The following ELK3 variants were observed in gnomAD, a reference collection of about 807,000 sequenced individuals.
The protein encoded by ELK3 is ETS domain-containing protein Elk-3.
In ELK3, 10 loss-of-function variants were observed where a neutral mutation model predicts 28.9. The ratio of observed to expected loss-of-function variants is 0.35; its 90% CI spans 0.21 to 0.59. The LOEUF is 0.59. Among genes scored for constraint, ELK3 ranks in the 20% least tolerant of loss-of-function variants. ELK3 has a pLI of 0.82. For missense variants in ELK3, 463 were observed against 517.3 expected (o/e 0.90, Z 1.02); for synonymous variants, 272 against 243.5 (o/e 1.12, Z -1.09).
At chr12:96,197,155 G>A (rs1339559203) in intron 1 of ELK3, among the ~76,000 whole-genome samples, 3 of 152,112 alleles carry the variant, frequency 2.0e-5, no homozygotes, top group African/African-American at 7.2e-5. Flanking sequence ...AATAAAAAAG[G>A]GAGTATTTAG....
At chr12:96,200,599 G>A (rs1485193671) in intron 1 of ELK3, among the ~76,000 whole-genome samples, 1 of 152,004 alleles carries the variant, frequency 6.6e-6, no homozygotes, top group Non-Finnish European at 1.5e-5. Flanking sequence ...CAGGGCTCAG[G>A]TGATCCTCCT....
chr12:96,242,042 G>T (rs796864565), intron 2 of ELK3, among the ~76,000 whole-genome samples: 76 of 152,346 alleles, frequency 5.0e-4, no homozygotes, highest in African/African-American at 1.8e-3. Context: ...CGCTGGAGAT[G>T]CACTCAGCTC....
rs776745602 is a variant in ELK3, at chr12:96,223,708, C to T, written c.142C>T (p.Arg48Ter). 5 of 1,613,776 alleles carry T rather than the reference C, an allele frequency of 3.1e-6. No homozygotes were observed. The highest frequency in any genetic ancestry group is 2.2e-5 in the South Asian group (2 of 91,068). The change falls in exon 2 of 5, where the codon CGA becomes TGA. Residue 48 changes from arginine (R) to a stop codon, truncating the protein, a stop_gained. Transcript: ENST00000228741. LOFTEE classifies it high-confidence loss of function. ...AEEVAKLWGL[R>*]KNKTNMNYDK... ...AGAAGTGGCCAAGCTGTGGGGACTC[C>T]GAAAAAACAAAACAAATATGAACTA... is the stretch of plus-strand genomic sequence containing the variant.
rs138691811 is a variant in ELK3, at chr12:96,230,448, C to T, written c.207+6675C>T. On this transcript the variant is annotated intron_variant, in intron 2 of 4. Coordinates refer to ENST00000228741, the MANE Select transcript of ELK3 (RefSeq NM_005230.4). ...TGGTTTCCCTCTATAAGTGATGGTTCGATTCAGCAAATCCTAAAAGGAAAC... is the reference window on the plus strand; with the variant it reads ...TGGTTTCCCTCTATAAGTGATGGTTTGATTCAGCAAATCCTAAAAGGAAAC... 2.2e-4 allele frequency among the ~76,000 whole-genome samples: 34 copies of T among 152,174 alleles called. No individual in the cohort carries two copies. In the East Asian group the frequency reaches 3.5e-3, roughly 16 times the overall value.
chr12:96,233,223 C>T (rs1565784998), intron 2 of ELK3, among the ~76,000 whole-genome samples: 1 of 152,282 alleles, frequency 6.6e-6, no homozygotes, highest in South Asian at 2.1e-4. Context: ...CTTTTGCTCA[C>T]GAGAAGCTGA....
intron 2 of ELK3, among the ~76,000 whole-genome samples, chr12:96,245,126 CTGTA>C (rs1453802308): frequency 6.6e-6 from 1 of 152,106 alleles, no homozygotes; most frequent in African/African-American, 2.4e-5. Flanking sequence ...CTCCATGACT[CTGTA>C]TGAGATCTCC....
At chr12:96,208,416 A>T (rs1188516412) in intron 1 of ELK3, among the ~76,000 whole-genome samples, 11 of 152,222 alleles carry the variant, frequency 7.2e-5, no homozygotes, top group Non-Finnish European at 4.4e-5. Context: ...GTTATTTTAA[A>T]TTCTATAGAG....
chr12:96,195,598 G>A (rs1951458721), intron 1 of ELK3, among the ~76,000 whole-genome samples: 1 of 152,168 alleles, frequency 6.6e-6, no homozygotes, highest in Admixed American at 6.5e-5. Flanking sequence ...CTGCAGTTAG[G>A]CGGCGGGTGG....
At chr12:96,244,586 T>C (rs1004857497) in intron 2 of ELK3, among the ~76,000 whole-genome samples, 2 of 152,194 alleles carry the variant, frequency 1.3e-5, no homozygotes, top group African/African-American at 2.4e-5. Flanking sequence ...TGTGTAATTA[T>C]TTAGGCTCTA....
At chr12:96,210,875 A>G (rs1951573732) in intron 1 of ELK3, among the ~76,000 whole-genome samples, 1 of 152,246 alleles carries the variant, frequency 6.6e-6, no homozygotes. Flanking sequence ...GATTCCTAGT[A>G]GGAATGTATT....
In ELK3 at chr12:96,207,662, A is replaced by T. The variant is rs542694837; in HGVS notation, c.-3+12957A>T. Among the ~76,000 whole-genome samples the T allele has an allele frequency of 2.3e-3, 349 of 152,338 alleles. 2 individuals are homozygous for T. The highest frequency in any genetic ancestry group is 8.0e-3 in the African/African-American group (332 of 41,584). On this transcript the variant is annotated intron_variant, in intron 1 of 4. Coordinates refer to ENST00000228741, the MANE Select transcript of ELK3 (RefSeq NM_005230.4). The stretch of plus-strand genomic sequence containing the variant: ...TTGTGCTTCTCAAAAACCTCTAAAG[A>T]TGTTGATGGTGATCCCTCGGTCATG...
At chr12:96,201,276 G>T (rs1219428985) in intron 1 of ELK3, among the ~76,000 whole-genome samples, 2 of 152,148 alleles carry the variant, frequency 1.3e-5, no homozygotes, top group Non-Finnish European at 2.9e-5. Flanking sequence ...GGGATGAGAG[G>T]ATATTAGTAA....
At chr12:96,214,283 G>A (rs1233709624) in intron 1 of ELK3, among the ~76,000 whole-genome samples, 1 of 151,918 alleles carries the variant, frequency 6.6e-6, no homozygotes, top group African/African-American at 2.4e-5. Flanking sequence ...ATACAAAAAT[G>A]AGCCGGAGGC....
At chr12:96,203,080 A>G (rs1009771048) in intron 1 of ELK3, among the ~76,000 whole-genome samples, 1 of 150,862 alleles carries the variant, frequency 6.6e-6, no homozygotes, top group Middle Eastern at 3.3e-3. Flanking sequence ...ACGGGGTTTC[A>G]CCATGCTGGC....
chr12:96,200,568 G>A (rs918192038), intron 1 of ELK3, among the ~76,000 whole-genome samples: 2 of 152,106 alleles, frequency 1.3e-5, no homozygotes, highest in Non-Finnish European at 2.9e-5. Context: ...CACTGTCATA[G>A]CTCAGTGCAG....
chr12:96,260,485 G>A (rs1565793268), intron 4 of ELK3, among the ~76,000 whole-genome samples: 1 of 152,136 alleles, frequency 6.6e-6, no homozygotes, highest in Non-Finnish European at 1.5e-5. Context: ...TAATGAAAAA[G>A]GAGAATCCAG....
intron 1 of ELK3, among the ~76,000 whole-genome samples, chr12:96,213,293 C>G: frequency 6.6e-6 from 1 of 152,178 alleles, no homozygotes; most frequent in East Asian, 1.9e-4. Flanking sequence ...GATTGACCAC[C>G]TCTTCTTCTC....
chr12:96,219,206 A>G lies in ELK3; in HGVS notation c.-2-4359A>G, dbSNP rs150683122. Among the ~76,000 whole-genome samples the G allele has an allele frequency of 3.2e-3, 487 of 152,288 alleles. 3 individuals are homozygous for G. The highest frequency in any genetic ancestry group is 0.011 in the African/African-American group (469 of 41,560). ...CTGTCTGAATTACTCACATTCCTTAAAGTGGCATCCAGATAAATGGGCTTT... is the reference window on the plus strand; with the variant it reads ...CTGTCTGAATTACTCACATTCCTTAGAGTGGCATCCAGATAAATGGGCTTT... On this transcript the variant is annotated intron_variant, in intron 1 of 4. Transcript: ENST00000228741.
chr12:96,214,478 A>G (rs968804688), intron 1 of ELK3, among the ~76,000 whole-genome samples: 2 of 152,022 alleles, frequency 1.3e-5, no homozygotes, highest in African/African-American at 4.8e-5. Flanking sequence ...AGCAAAAACC[A>G]TTGCAGACTG....
Sources: allele counts gnomAD v4.1 joint callset (sites outside exome capture counted in the v4.1 genomes callset), GRCh38; gene constraint gnomAD v4.1.1; transcripts MANE v1.5; gene names NCBI Gene and HGNC (gene_info 2026-07-23, HGNC 2026-07-21).